The following DENND2B variants were observed in gnomAD, a reference collection of about 807,000 sequenced individuals.
DENND2B encodes DENN domain containing 2B, also known as DENN domain-containing protein 2B.
In DENND2B, 32 loss-of-function variants were observed where a neutral mutation model predicts 116.0. The observed-to-expected ratio is 0.28, with a 90% CI of 0.21 to 0.37. The LOEUF (loss-of-function observed/expected upper bound fraction) is 0.37. Among genes scored for constraint, DENND2B ranks in the 10% least tolerant of loss-of-function variants. The probability of loss-of-function intolerance (pLI) is 1.00; values close to 1 mark genes in which losing one functional copy is unlikely to be tolerated. For missense variants in DENND2B, 1,276 were observed against 1,477.7 expected (o/e 0.86, Z 2.24); for synonymous variants, 588 against 583.9 (o/e 1.01, Z -0.10).
At chr11:8,817,513 TCTC>T (rs1566011856) in intron 4 of DENND2B, among the ~76,000 whole-genome samples, 1 of 151,996 alleles carries the variant, frequency 6.6e-6, no homozygotes, top group African/African-American at 2.4e-5. Flanking sequence ...TCCCCCTGCC[TCTC>T]CTACCACCAG....
intron 3 of DENND2B, among the ~76,000 whole-genome samples, chr11:8,846,632 C>T (rs1438716352): frequency 2.0e-5 from 3 of 152,154 alleles, no homozygotes; most frequent in Admixed American, 6.5e-5. Flanking sequence ...CAGTTAAAGT[C>T]CCCTTTCTCG....
chr11:8,850,054 G>A (rs1001130600), intron 3 of DENND2B, among the ~76,000 whole-genome samples: 8 of 152,112 alleles, frequency 5.3e-5, no homozygotes, highest in Non-Finnish European at 1.2e-4. Context: ...AGGATCACTT[G>A]AGCCAAGGAG....
intron 3 of DENND2B, among the ~76,000 whole-genome samples, chr11:8,855,624 G>A (rs956987723): frequency 2.6e-5 from 4 of 151,912 alleles, no homozygotes; most frequent in African/African-American, 7.3e-5. Flanking sequence ...TTCATAGGAA[G>A]GAGGAAACAG....
Position 8,698,811 on chromosome 11 carries a change from A to G in DENND2B, c.2940+122T>C, listed in dbSNP as rs1413583125. The G allele has an allele frequency of 3.4e-6, 4 of 1,172,084 alleles. No individual in the cohort carries two copies. The East Asian group carries it at 9.4e-5, about 28-fold the overall frequency. The allele number at this position is 1,172,084 out of a possible 1,614,324, so 72.6% of individuals were successfully genotyped here. A position where few individuals can be genotyped will look rare whatever the true frequency, so the allele number is the denominator to read the frequency against. On this transcript the variant is annotated intron_variant, in intron 16 of 19. Coordinates refer to ENST00000313726, the MANE Select transcript of DENND2B (RefSeq NM_213618.2). The stretch of plus-strand genomic sequence containing the variant: ...GACCAGCTTCTCCCCACCCTTGACT[A>G]GTCTGTGAGTAGTACTGAACCCAGA...
Position 8,739,449 on chromosome 11 carries a change from C to T in DENND2B, c.81-8240G>A, listed in dbSNP as rs770559697. 5.3e-5 allele frequency among the ~76,000 whole-genome samples: 8 copies of T among 152,332 alleles called. No individual in the cohort carries two copies. In the South Asian group the frequency reaches 6.2e-4, roughly 12 times the overall value. ...CACACCAGCTGTGTGGCTAAGATGACGCAAATCTCTAACAGTGTTTGAACA... is the reference window on the plus strand; with the variant it reads ...CACACCAGCTGTGTGGCTAAGATGATGCAAATCTCTAACAGTGTTTGAACA... On this transcript the variant is annotated intron_variant, in intron 2 of 19. Coordinates refer to ENST00000313726, the MANE Select transcript of DENND2B (RefSeq NM_213618.2).
intron 1 of DENND2B, among the ~76,000 whole-genome samples, chr11:8,897,789 G>A (rs2064120847): frequency 6.6e-6 from 1 of 152,144 alleles, no homozygotes; most frequent in African/African-American, 2.4e-5. Flanking sequence ...CTATTTCTTT[G>A]TTCTTGTTTT....
rs924295467 is a variant in DENND2B, at chr11:8,847,386, T to C, written c.-155-8036A>G. Among the ~76,000 whole-genome samples, 2 of 152,234 alleles carry C rather than the reference T, an allele frequency of 1.3e-5. 1 individual carries two copies. The highest frequency in any genetic ancestry group is 1.3e-4 in the Admixed American group (2 of 15,288). Reference sequence around the variant, plus strand: ...TCGCCATTACAAAATTCAAAATACCTCAATTCCTTTACCTTTTATAACGAA... The same window carrying C: ...TCGCCATTACAAAATTCAAAATACCCCAATTCCTTTACCTTTTATAACGAA... On this transcript the variant is annotated intron_variant, in intron 3 of 6. Transcript: ENST00000524757.
At chr11:8,725,194 T>C (rs1188710297) in intron 4 of DENND2B, among the ~76,000 whole-genome samples, 1 of 152,076 alleles carries the variant, frequency 6.6e-6, no homozygotes, top group Non-Finnish European at 1.5e-5. Context: ...GGGAGGTGAT[T>C]AGGTCATGAG....
intron 1 of DENND2B, among the ~76,000 whole-genome samples, chr11:8,807,486 A>C (rs2060974272): frequency 6.6e-6 from 1 of 152,208 alleles, no homozygotes. Flanking sequence ...CCAGGGAAAG[A>C]GGCTGAACCA....
chr11:8,751,015 A>T (rs2052338378), intron 1 of DENND2B, among the ~76,000 whole-genome samples: 1 of 152,154 alleles, frequency 6.6e-6, no homozygotes, highest in Non-Finnish European at 1.5e-5. Context: ...TGTCTAGCTC[A>T]GGGTTTGTGG....
chr11:8,703,860 C>T (rs182602744), intron 13 of DENND2B, among the ~76,000 whole-genome samples: 7 of 152,276 alleles, frequency 4.6e-5, no homozygotes, highest in African/African-American at 7.2e-5. Flanking sequence ...CCCAGTGATC[C>T]GCCAGATGCT....
rs557022528 is a variant in DENND2B, at chr11:8,889,490, T to C, written c.-255-8381A>G. On this transcript the variant is annotated intron_variant, in intron 1 of 22. Coordinates refer to the DENND2B transcript ENST00000534127. ...GCAAGGGTCAGGGAATTCCCTTTCCTAGCCAAGGGAAGCTGTGACAGACAG... is the reference window on the plus strand; with the variant it reads ...GCAAGGGTCAGGGAATTCCCTTTCCCAGCCAAGGGAAGCTGTGACAGACAG... Among the ~76,000 whole-genome samples the C allele has an allele frequency of 2.0e-5, 3 of 152,234 alleles. No individual in the cohort carries two copies. In the South Asian group the frequency reaches 6.2e-4, roughly 31 times the overall value.
chr11:8,694,238 GA>G, intron 19 of DENND2B, 108 bp from the exon 20 acceptor site: 1 of 1,316,140 alleles, frequency 7.6e-7, no homozygotes, highest in Non-Finnish European at 1.1e-6. Context: ...GAAGGATTAG[GA>G]AGACTGGATT....
chr11:8,710,031 G>A (rs561369372), intron 11 of DENND2B, among the ~76,000 whole-genome samples: 1 of 152,272 alleles, frequency 6.6e-6, no homozygotes, highest in South Asian at 2.1e-4. Context: ...GATGATAAGT[G>A]TTTCTGAATG....
Position 8,717,788 on chromosome 11 carries a change from T to C in DENND2B, c.1582A>G (p.Arg528Gly), listed in dbSNP as rs757396056. The C allele has an allele frequency of 6.2e-6, 10 of 1,609,048 alleles. No homozygotes were observed. In the East Asian group the frequency reaches 2.0e-4, roughly 32 times the overall value. Reference sequence around the variant, plus strand: ...TTCCTGTCCTGAGGACTCCACATCCTGTGCAAAGAGTCCAAGGAGTTCTCA... The same window carrying C: ...TTCCTGTCCTGAGGACTCCACATCCCGTGCAAAGAGTCCAAGGAGTTCTCA... Reference protein sequence around the residue: ...LSENSLDSLHRMWSPQDRKYN... With the variant: ...LSENSLDSLHGMWSPQDRKYN... The change falls in exon 5 of 20, where the codon AGG becomes GGG. Residue 528 changes from arginine to glycine, a missense_variant. Transcript: ENST00000313726.
chr11:8,762,292 G>C (rs2134122145), intron 1 of DENND2B, among the ~76,000 whole-genome samples: 1 of 152,236 alleles, frequency 6.6e-6, no homozygotes, highest in Non-Finnish European at 1.5e-5. Context: ...GATACCATGT[G>C]CTCAAACACA....
chr11:8,708,056 G>T (rs369545943), intron 11 of DENND2B: 5 of 1,496,786 alleles, frequency 3.3e-6, no homozygotes, highest in South Asian at 1.2e-5. Flanking sequence ...GCTCTGCAGG[G>T]TCTCCCAGCA....
intron 4 of DENND2B, among the ~76,000 whole-genome samples, chr11:8,819,979 T>G (rs2061702445): frequency 6.6e-6 from 1 of 152,220 alleles, no homozygotes; most frequent in South Asian, 2.1e-4. Flanking sequence ...CTAAAATTAT[T>G]TAAAAGTAAA....
At chr11:8,763,608 T>A (rs2055073864) in intron 1 of DENND2B, among the ~76,000 whole-genome samples, 1 of 150,138 alleles carries the variant, frequency 6.7e-6, no homozygotes, top group African/African-American at 2.5e-5. Flanking sequence ...TTATTCTGAA[T>A]AAAAGAGCCA....
Sources: gnomAD v4.1 joint callset for allele counts (sites outside exome capture counted in the v4.1 genomes callset) on GRCh38, gnomAD v4.1.1 for gene constraint, MANE v1.5 for transcripts, NCBI Gene and HGNC (gene_info 2026-07-23, HGNC 2026-07-21) for gene names.